Variants in GNAT3 observed in about 807,000 individuals in gnomAD.
GNAT3 encodes the protein G protein subunit alpha transducin 3, also known as guanine nucleotide-binding protein G(t) subunit alpha-3.
A neutral mutation model predicts 37.7 loss-of-function variants in GNAT3; 31 were observed. The ratio of observed to expected loss-of-function variants is 0.82; its 90% CI spans 0.62 to 1.11. The LOEUF (loss-of-function observed/expected upper bound fraction) is 1.11. GNAT3 is among the 50% of genes most tolerant of loss of function. GNAT3 has a pLI of 0.00. For missense variants in GNAT3, 437 were observed against 412.5 expected, an observed-to-expected ratio of 1.06 and a Z score of -0.51; for synonymous variants, 138 against 139.8, an observed-to-expected ratio of 0.99 and a Z score of 0.09.
chr7:80,467,716 T>C (rs749581171), intron 5 of GNAT3, among the ~76,000 whole-genome samples: 1 of 152,078 alleles, frequency 6.6e-6, no homozygotes, highest in Non-Finnish European at 1.5e-5. Context: ...AAAGCTTTAT[T>C]GTGACCATTC....
intron 3 of GNAT3, chr7:80,486,632 C>CTTTTTTTTTTTTTTTTTTTTTTTT (rs762169940): frequency 3.0e-5 from 3 of 98,418 alleles, no homozygotes; most frequent in Non-Finnish European, 5.6e-5. Flanking sequence ...TTTTCTTTTC[C>CTTTTTTTTTTTTTTTTTTTTTTTT]TTTTTTTTTT....
At chr7:80,508,702 T>TA (rs1790998503) in intron 1 of GNAT3, among the ~76,000 whole-genome samples, 2 of 151,928 alleles carry the variant, frequency 1.3e-5, no homozygotes, top group Non-Finnish European at 2.9e-5. Context: ...AAAGGTGTAA[T>TA]AAAAAAAGGC....
intron 2 of GNAT3, among the ~76,000 whole-genome samples, chr7:80,494,281 T>G (rs966741598): frequency 6.6e-6 from 1 of 152,208 alleles, no homozygotes; most frequent in African/African-American, 2.4e-5. Context: ...AATATATGAT[T>G]GATTGACATT....
intron 4 of GNAT3, among the ~76,000 whole-genome samples, chr7:80,477,238 C>T (rs201973710): frequency 4.6e-5 from 7 of 152,226 alleles, no homozygotes; most frequent in East Asian, 3.9e-4. Context: ...TGAGAGCCCA[C>T]TTTAATCTAT....
chr7:80,472,511 C>T (rs1790237649), intron 5 of GNAT3, among the ~76,000 whole-genome samples: 1 of 152,078 alleles, frequency 6.6e-6, no homozygotes. Flanking sequence ...AGGGGCAGAG[C>T]ACTTTAGGCA....
chr7:80,466,296 T>C (rs1459474834), intron 5 of GNAT3, among the ~76,000 whole-genome samples: 1 of 152,134 alleles, frequency 6.6e-6, no homozygotes, highest in Non-Finnish European at 1.5e-5. Context: ...TCAACCTTTG[T>C]AGTCTCCTTT....
Position 80,462,553 on chromosome 7 carries a change from A to G in GNAT3, c.669T>C (p.Phe223=). 1 of 1,613,612 alleles carries G rather than the reference A, an allele frequency of 6.2e-7. No individual in the cohort carries two copies. The highest frequency in any genetic ancestry group is 8.5e-7 in the Non-Finnish European group (1 of 1,179,594). ...HCFEGVTCII[F]CAALSAYDMV... Reference sequence around the variant, plus strand: ...TGTCATAGGCACTAAGTGCAGCACAAAATATAATGCATGTAACTCCTTCAA... The same window carrying G: ...TGTCATAGGCACTAAGTGCAGCACAGAATATAATGCATGTAACTCCTTCAA... The change falls in exon 6 of 8, where the codon TTT becomes TTC. Residue 223 remains phenylalanine, a synonymous_variant. Coordinates refer to ENST00000398291, the MANE Select transcript of GNAT3 (RefSeq NM_001102386.3).
chr7:80,504,166 A>G (rs1168163286), intron 1 of GNAT3, among the ~76,000 whole-genome samples: 1 of 152,134 alleles, frequency 6.6e-6, no homozygotes, highest in Admixed American at 6.5e-5. Context: ...AAATAGGAAA[A>G]TTAGCCAGGT....
intron 1 of GNAT3, among the ~76,000 whole-genome samples, chr7:80,499,639 A>T (rs1305252976): frequency 6.6e-6 from 1 of 152,190 alleles, no homozygotes; most frequent in African/African-American, 2.4e-5. Flanking sequence ...TTTTTAGGGT[A>T]GTCTCTTTTG....
intron 1 of GNAT3, among the ~76,000 whole-genome samples, chr7:80,507,123 A>C (rs1790960055): frequency 6.6e-6 from 1 of 152,036 alleles, no homozygotes; most frequent in Non-Finnish European, 1.5e-5. Flanking sequence ...AGTGATCAGA[A>C]GGGGACTTAT....
intron 1 of GNAT3, among the ~76,000 whole-genome samples, chr7:80,509,179 AT>A (rs2116237290): frequency 6.6e-6 from 1 of 152,246 alleles, no homozygotes; most frequent in South Asian, 2.1e-4. Context: ...ATGAGGTCAA[AT>A]TGAATATAAA....
intron 3 of GNAT3, among the ~76,000 whole-genome samples, chr7:80,485,716 C>A (rs1270429062): frequency 1.3e-5 from 2 of 151,932 alleles, no homozygotes; most frequent in Non-Finnish European, 2.9e-5. Context: ...ATTTCACTAC[C>A]TAAATTTTAA....
chr7:80,500,819 A>G (rs1790818797), intron 1 of GNAT3, among the ~76,000 whole-genome samples: 4 of 143,448 alleles, frequency 2.8e-5, no homozygotes, highest in African/African-American at 1.2e-4. Flanking sequence ...ATAATGTAGT[A>G]AATAATGTTA....
chr7:80,508,636 T>C (rs10279893), intron 1 of GNAT3, among the ~76,000 whole-genome samples: 19,345 of 152,010 alleles, frequency 0.13, 1,453 homozygotes, highest in African/African-American at 0.21. Flanking sequence ...AAGCCTACTT[T>C]TTGCTAAAAT....
At chr7:80,464,862 C>T (rs1462969161) in intron 5 of GNAT3, among the ~76,000 whole-genome samples, 1 of 151,912 alleles carries the variant, frequency 6.6e-6, no homozygotes, top group African/African-American at 2.4e-5. Flanking sequence ...AAGCAGTAGA[C>T]TAAAAGAGAA....
intron 1 of GNAT3, among the ~76,000 whole-genome samples, chr7:80,503,969 T>C (rs983922705): frequency 1.1e-4 from 17 of 152,192 alleles, no homozygotes; most frequent in Non-Finnish European, 2.1e-4. Flanking sequence ...CAAGCTTCAA[T>C]GAAGAGAGGA....
intron 1 of GNAT3, among the ~76,000 whole-genome samples, chr7:80,508,782 T>C (rs1584202714): frequency 6.6e-6 from 1 of 152,084 alleles, no homozygotes; most frequent in African/African-American, 2.4e-5. Flanking sequence ...AGTGAAATCT[T>C]GTGTTCGATA....
intron 4 of GNAT3, among the ~76,000 whole-genome samples, chr7:80,478,035 C>G (rs1238521432): frequency 6.6e-6 from 1 of 152,174 alleles, no homozygotes; most frequent in Non-Finnish European, 1.5e-5. Context: ...CTCAGCTTCC[C>G]AAGTAGCTGG....
At chr7:80,490,208 T>G (rs1039252783) in intron 2 of GNAT3, among the ~76,000 whole-genome samples, 11 of 152,150 alleles carry the variant, frequency 7.2e-5, no homozygotes. Context: ...TATAATACAT[T>G]AGTCACTAGA....
Sources: allele counts gnomAD v4.1 joint callset (sites outside exome capture counted in the v4.1 genomes callset), GRCh38; gene constraint gnomAD v4.1.1; transcripts MANE v1.5; gene names NCBI Gene and HGNC (gene_info 2026-07-23, HGNC 2026-07-21).